RNASE10: variants seen among roughly 807,000 people sequenced by gnomAD.
The protein encoded by RNASE10 is inactive ribonuclease-like protein 10.
Under a neutral mutation model 1.1 loss-of-function variants are expected in RNASE10, and 2 were observed. The observed-to-expected ratio is 1.82, with a 90% confidence interval of 0.74 to 5.73. The LOEUF (loss-of-function observed/expected upper bound fraction) is 5.73. Ranked by LOEUF, RNASE10 falls within the 30% of genes most tolerant of loss-of-function variation. RNASE10 has a pLI of 0.05. For missense variants in RNASE10, 276 were observed against 263.4 expected (o/e 1.05, Z -0.33); for synonymous variants, 97 against 96.2 (o/e 1.01, Z -0.05).
exon 2 of RNASE10, chr14:20,510,471 A>G (rs1199859406): frequency 6.2e-7 from 1 of 1,601,470 alleles, no homozygotes; most frequent in Non-Finnish European, 8.5e-7. Context: ...CTCCAGGCAA[A>G]ATGAAGCTGA....
At chr14:20,506,674 A>T in intron 1 of RNASE10, among the ~76,000 whole-genome samples, 1 of 101,926 alleles carries the variant, frequency 9.8e-6, no homozygotes. Context: ...GTGGGGGGTC[A>T]GCCCCCCGCC....
chr14:20,512,943 C>T (rs372472678), downstream of RNASE10, among the ~76,000 whole-genome samples: 2 of 152,280 alleles, frequency 1.3e-5, no homozygotes, highest in East Asian at 1.9e-4. Context: ...CAGAGAAAAT[C>T]GGCCACGTTA....
intron 1 of RNASE10, among the ~76,000 whole-genome samples, chr14:20,507,024 G>A (rs1295228233): frequency 1.3e-5 from 2 of 150,410 alleles, no homozygotes; most frequent in Admixed American, 6.6e-5. Context: ...CAGCCGCCCT[G>A]TCCGGGAGGT....
intron 1 of RNASE10, among the ~76,000 whole-genome samples, chr14:20,509,487 G>A (rs1882840163): frequency 6.6e-6 from 1 of 152,222 alleles, no homozygotes; most frequent in Non-Finnish European, 1.5e-5. Flanking sequence ...ATCTTTAATA[G>A]TAGAAGGAAT....
At chr14:20,508,046 A>G (rs1224218955) in intron 1 of RNASE10, among the ~76,000 whole-genome samples, 1 of 152,108 alleles carries the variant, frequency 6.6e-6, no homozygotes, top group Non-Finnish European at 1.5e-5. Context: ...CACTGCGCCC[A>G]GGCCCCCTAT....
chr14:20,511,164 TCTTC>T (rs542269685), downstream of RNASE10: 209 of 1,366,916 alleles, frequency 1.5e-4, no homozygotes, highest in Admixed American at 4.1e-4. Flanking sequence ...CTCCTGTTCC[TCTTC>T]CTTTTTTACT....
downstream of RNASE10, among the ~76,000 whole-genome samples, chr14:20,511,732 C>T (rs1882904963): frequency 6.6e-6 from 1 of 152,094 alleles, no homozygotes; most frequent in African/African-American, 2.4e-5. Flanking sequence ...TTTTTCTTGA[C>T]CCTTCACTGC....
At chr14:20,507,628 A>T (rs761675043) in intron 1 of RNASE10, among the ~76,000 whole-genome samples, 8,243 of 83,506 alleles carry the variant, frequency 0.099, 586 homozygotes, top group African/African-American at 0.25. Flanking sequence ...ATAAATAAAT[A>T]AATAAATAAA....
downstream of RNASE10, among the ~76,000 whole-genome samples, chr14:20,513,576 A>G (rs1407621648): frequency 6.6e-6 from 1 of 152,170 alleles, no homozygotes; most frequent in East Asian, 1.9e-4. Context: ...GTGGCCCCAA[A>G]ACTCATTTAG....
upstream of RNASE10, among the ~76,000 whole-genome samples, chr14:20,505,036 C>A (rs1372187145): frequency 6.6e-6 from 1 of 151,936 alleles, no homozygotes; most frequent in African/African-American, 2.4e-5. Flanking sequence ...AGAAGTAACT[C>A]TGGCAAACCT....
intron 1 of RNASE10, among the ~76,000 whole-genome samples, chr14:20,507,539 G>A (rs1443978942): frequency 1.2e-4 from 16 of 139,106 alleles, no homozygotes; most frequent in African/African-American, 3.7e-4. Flanking sequence ...TTTATCTGCT[G>A]ACCTTCCCTC....
At chr14:20,508,696 TA>T (rs1462294823) in intron 1 of RNASE10, among the ~76,000 whole-genome samples, 1 of 152,048 alleles carries the variant, frequency 6.6e-6, no homozygotes, top group East Asian at 1.9e-4. Context: ...CTGCAATTGG[TA>T]AAATCTACAG....
chr14:20,513,884 C>T (rs980181673), downstream of RNASE10, among the ~76,000 whole-genome samples: 1 of 152,120 alleles, frequency 6.6e-6, no homozygotes, highest in Non-Finnish European at 1.5e-5. Context: ...GGATATGATC[C>T]TAGTTAGGCC....
chr14:20,513,228 TG>T (rs61091674), downstream of RNASE10, among the ~76,000 whole-genome samples: 1,499 of 140,994 alleles, frequency 0.011, 29 homozygotes, highest in African/African-American at 0.046. Context: ...GTTTTGTTTT[TG>T]TTTTTTTTGT....
downstream of RNASE10, among the ~76,000 whole-genome samples, chr14:20,513,311 C>G (rs1882942043): frequency 2.0e-5 from 3 of 152,150 alleles, no homozygotes; most frequent in Non-Finnish European, 4.4e-5. Flanking sequence ...GTGGCTCAAG[C>G]AGGAAAATAT....
downstream of RNASE10, chr14:20,511,220 A>G: frequency 9.8e-7 from 1 of 1,023,648 alleles, no homozygotes; most frequent in Non-Finnish European, 1.3e-6. Context: ...GGTATCATGC[A>G]GATGGAATTC....
At chr14:20,507,079 C>T (rs1402751075) in intron 1 of RNASE10, among the ~76,000 whole-genome samples, 3 of 150,392 alleles carry the variant, frequency 2.0e-5, no homozygotes, top group Admixed American at 6.6e-5. Flanking sequence ...AGTGAGGAGC[C>T]CCTCTGCCCG....
At chr14:20,512,604 G>C (rs993342321), downstream of RNASE10, among the ~76,000 whole-genome samples, 3 of 152,314 alleles carry the variant, frequency 2.0e-5, no homozygotes, top group African/African-American at 7.2e-5. Context: ...TGTTTTCACA[G>C]ACAGGCAACC....
At chr14:20,508,016 C>T (rs886872594) in intron 1 of RNASE10, among the ~76,000 whole-genome samples, 1 of 152,188 alleles carries the variant, frequency 6.6e-6, no homozygotes, top group African/African-American at 2.4e-5. Flanking sequence ...TCCCAAAGCA[C>T]TGGAATTGCA....
Sources: gnomAD v4.1 joint callset for allele counts (sites outside exome capture counted in the v4.1 genomes callset) on GRCh38, gnomAD v4.1.1 for gene constraint, MANE v1.5 for transcripts, NCBI Gene and HGNC (gene_info 2026-07-23, HGNC 2026-07-21) for gene names.